GRAMD1B: variants seen among roughly 807,000 people sequenced by gnomAD.
GRAMD1B encodes the protein protein Aster-B.
GRAMD1B carries 37 observed loss-of-function variants against 99.7 expected under a neutral mutation model. That is an observed-to-expected ratio of 0.37 (90% CI 0.29 to 0.49). GRAMD1B has a LOEUF of 0.49. GRAMD1B is among the 20% of genes least tolerant of loss of function. The pLI is 0.98. For synonymous variants in GRAMD1B, 427 were observed against 387.6 expected, an observed-to-expected ratio of 1.10 and a Z score of -1.19; for missense variants, 888 against 1,009.2, an observed-to-expected ratio of 0.88 and a Z score of 1.63.
rs539243930 is a variant in GRAMD1B, at chr11:123,584,501, G to A, written c.684+169G>A. 1.0e-3 allele frequency among the ~76,000 whole-genome samples: 113 copies of A among 111,710 alleles called. 1 individual carries two copies. The highest frequency in any genetic ancestry group is 1.8e-3 in the Non-Finnish European group (96 of 52,150). The allele number at this position is 111,710 out of a possible 152,430, so 73.3% of individuals were successfully genotyped here. A position where few individuals can be genotyped will look rare whatever the true frequency, so the allele number is the denominator to read the frequency against. On this transcript the variant is annotated intron_variant, in intron 4 of 19. Coordinates refer to ENST00000635736, the MANE Select transcript of GRAMD1B (RefSeq NM_001387025.1). ...CGGTTATTTTCTTCAGCAGGACAGG[G>A]CAGCCTTGGGGAGGGAGGATTGCAT...
chr11:123,489,827 G>T (rs1938332308), intron 2 of GRAMD1B, among the ~76,000 whole-genome samples: 1 of 152,212 alleles, frequency 6.6e-6, no homozygotes, highest in Non-Finnish European at 1.5e-5. Context: ...TCAAGGCTGA[G>T]AATTTCAGAG....
chr11:123,611,696 A>G (rs1953598067), intron 14 of GRAMD1B, among the ~76,000 whole-genome samples: 1 of 152,150 alleles, frequency 6.6e-6, no homozygotes, highest in African/African-American at 2.4e-5. Context: ...GTGAACTTGA[A>G]CAGACCATTA....
intron 1 of GRAMD1B, among the ~76,000 whole-genome samples, chr11:123,420,792 C>T (rs1948406160): frequency 1.3e-5 from 2 of 152,228 alleles, no homozygotes; most frequent in Admixed American, 6.5e-5. Context: ...GGGTTTAAAT[C>T]TTGACCTCTG....
At chr11:123,397,199 T>G (rs1402723084) in intron 1 of GRAMD1B, among the ~76,000 whole-genome samples, 1 of 151,808 alleles carries the variant, frequency 6.6e-6, no homozygotes, top group African/African-American at 2.4e-5. Context: ...AGGTCAGGAG[T>G]TCGAGACCAG....
At chr11:123,495,052 C>A (rs1939073258) in intron 2 of GRAMD1B, among the ~76,000 whole-genome samples, 1 of 151,794 alleles carries the variant, frequency 6.6e-6, no homozygotes, top group Middle Eastern at 3.4e-3. Flanking sequence ...GTTGATGCTC[C>A]GGCTTGGATT....
intron 1 of GRAMD1B, among the ~76,000 whole-genome samples, chr11:123,417,141 G>A (rs1479033594): frequency 6.6e-6 from 1 of 152,120 alleles, no homozygotes; most frequent in Non-Finnish European, 1.5e-5. Flanking sequence ...TTCGGAGGCC[G>A]AGATGGGCGG....
chr11:123,449,333 A>T (rs1309685905), intron 1 of GRAMD1B, among the ~76,000 whole-genome samples: 3 of 152,242 alleles, frequency 2.0e-5, no homozygotes, highest in Non-Finnish European at 4.4e-5. Flanking sequence ...CTCAGTAAGC[A>T]TGTGTTTAGG....
Position 123,513,652 on chromosome 11 carries a change from C to CCTTT in GRAMD1B, c.452+32776_452+32779dup, listed in dbSNP as rs571894757. On this transcript the variant is annotated intron_variant, in intron 2 of 19. Coordinates refer to ENST00000635736, the MANE Select transcript of GRAMD1B (RefSeq NM_001387025.1). ...TTTCTTTCTTTCTTTCTTTTTCTTACCTTTCTTTCTTTCTTTCTTTTCTTC... is the reference window on the plus strand; with the variant it reads ...TTTCTTTCTTTCTTTCTTTTTCTTACCTTTCTTTCTTTCTTTCTTTCTTTTCTTC... 2.1e-3 allele frequency among the ~76,000 whole-genome samples: 64 copies of CCTTT among 30,872 alleles called. 3 individuals carry two copies. Among genetic ancestry groups the CCTTT allele is most frequent in the African/African-American group, 5.0e-3 (50 of 10,088 alleles). The allele number at this position is 30,872 out of a possible 152,430, so 20.3% of individuals were successfully genotyped here.
intron 1 of GRAMD1B, among the ~76,000 whole-genome samples, chr11:123,453,103 A>G (rs1949959300): frequency 6.6e-6 from 1 of 152,170 alleles, no homozygotes; most frequent in Non-Finnish European, 1.5e-5. Flanking sequence ...GAAATGACTC[A>G]TATTCATGGT....
chr11:123,508,742 A>G (rs1344670493), intron 2 of GRAMD1B, among the ~76,000 whole-genome samples: 1 of 152,030 alleles, frequency 6.6e-6, no homozygotes, highest in Non-Finnish European at 1.5e-5. Context: ...CTGGAGTGCA[A>G]TGGCATGGTC....
At chr11:123,485,715 CT>C (rs373956363) in intron 2 of GRAMD1B, among the ~76,000 whole-genome samples, 2,584 of 132,456 alleles carry the variant, frequency 0.02, 35 homozygotes, top group African/African-American at 0.042. Context: ...TTAATTCATT[CT>C]TTTTTTTTTT....
intron 1 of GRAMD1B, among the ~76,000 whole-genome samples, chr11:123,376,090 A>T (rs186145557): frequency 6.6e-6 from 1 of 152,226 alleles, no homozygotes; most frequent in Admixed American, 6.5e-5. Flanking sequence ...TTCCCTGGCC[A>T]ATATGTCAGA....
chr11:123,570,348 C>T (rs544941917), intron 2 of GRAMD1B, among the ~76,000 whole-genome samples: 1 of 151,836 alleles, frequency 6.6e-6, no homozygotes, highest in Admixed American at 6.6e-5. Flanking sequence ...ATCAACACCT[C>T]TGAGGAAAGT....
chr11:123,478,611 A>G (rs1951424868), intron 1 of GRAMD1B, among the ~76,000 whole-genome samples: 2 of 152,138 alleles, frequency 1.3e-5, no homozygotes, highest in African/African-American at 4.8e-5. Flanking sequence ...ACTTGCAAAT[A>G]TCAGCTTAGA....
intron 1 of GRAMD1B, among the ~76,000 whole-genome samples, chr11:123,414,563 G>T (rs1948163628): frequency 6.6e-6 from 1 of 151,808 alleles, no homozygotes; most frequent in East Asian, 1.9e-4. Context: ...TTCCTTATGG[G>T]GCTTACTCTG....
chr11:123,614,682 C>T, intron 16 of GRAMD1B, 63 bp from the exon 17 acceptor site: 1 of 926,918 alleles, frequency 1.1e-6, no homozygotes, highest in Non-Finnish European at 1.7e-6. Context: ...GACCAGTGTC[C>T]CCACCAGCAG....
At chr11:123,441,541 G>A (rs1949406600) in intron 1 of GRAMD1B, among the ~76,000 whole-genome samples, 1 of 151,908 alleles carries the variant, frequency 6.6e-6, no homozygotes, top group South Asian at 2.1e-4. Flanking sequence ...CAGAATTTTG[G>A]GAGGCCAAGT....
chr11:123,532,751 C>T (rs1017018438), intron 2 of GRAMD1B, among the ~76,000 whole-genome samples: 1 of 152,212 alleles, frequency 6.6e-6, no homozygotes, highest in Admixed American at 6.5e-5. Context: ...GATAATATGA[C>T]ATGCAAAAAT....
chr11:123,422,350 T>C (rs1471860909), intron 1 of GRAMD1B, among the ~76,000 whole-genome samples: 1 of 152,236 alleles, frequency 6.6e-6, no homozygotes, highest in Non-Finnish European at 1.5e-5. Context: ...TGCCTCAAGA[T>C]GCATTGTTTG....
Sources: allele counts gnomAD v4.1 joint callset (sites outside exome capture counted in the v4.1 genomes callset), GRCh38; gene constraint gnomAD v4.1.1; transcripts MANE v1.5; gene names NCBI Gene and HGNC (gene_info 2026-07-23, HGNC 2026-07-21).